Variants in ADGRL2 observed in about 807,000 individuals in gnomAD.
ADGRL2 encodes adhesion G protein-coupled receptor L2, also known as calcium-independent alpha-latrotoxin receptor 2.
ADGRL2 carries 44 observed loss-of-function variants against 157.4 expected under a neutral mutation model. That is an observed-to-expected ratio of 0.28 (90% CI 0.22 to 0.36). The LOEUF is 0.36. ADGRL2 is among the 10% of genes least tolerant of loss of function. ADGRL2 has a pLI of 1.00. For missense variants in ADGRL2, 1,510 were observed against 1,768.9 expected (o/e 0.85, Z 2.63); for synonymous variants, 585 against 624.7 (o/e 0.94, Z 0.95).
At chr1:81,695,342 C>G (rs2149006380), upstream of ADGRL2, among the ~76,000 whole-genome samples, 1 of 151,978 alleles carries the variant, frequency 6.6e-6, no homozygotes, top group East Asian at 1.9e-4. Flanking sequence ...TTCTAATACC[C>G]ACTTACACTG....
At chr1:81,502,139 A>T in intron 2 of ADGRL2, 1 of 1,597,730 alleles carries the variant, frequency 6.3e-7, no homozygotes, top group Non-Finnish European at 8.5e-7. Context: ...GGCTGCTTCA[A>T]AATATTTTCA....
At chr1:81,345,492 A>G (rs979700043) in intron 1 of ADGRL2, among the ~76,000 whole-genome samples, 5 of 152,194 alleles carry the variant, frequency 3.3e-5, no homozygotes, top group African/African-American at 4.8e-5. Flanking sequence ...CCCTTCCTCA[A>G]AGTAACTGGA....
At chr1:81,618,755 G>T (rs1266833452) in intron 3 of ADGRL2, among the ~76,000 whole-genome samples, 1 of 152,108 alleles carries the variant, frequency 6.6e-6, no homozygotes, top group Non-Finnish European at 1.5e-5. Flanking sequence ...ATTCTAAACT[G>T]TGACACTTTA....
At chr1:81,653,802 T>C (rs2082473413) in intron 3 of ADGRL2, among the ~76,000 whole-genome samples, 1 of 152,208 alleles carries the variant, frequency 6.6e-6, no homozygotes, top group Non-Finnish European at 1.5e-5. Context: ...ATTTGTTATG[T>C]AGAGCTCAGA....
intron 2 of ADGRL2, among the ~76,000 whole-genome samples, chr1:81,857,083 A>C (rs1436985858): frequency 6.6e-6 from 1 of 152,082 alleles, no homozygotes; most frequent in Admixed American, 6.6e-5. Context: ...ATTGTCCTGG[A>C]TAATGTTTCC....
chr1:81,861,580 A>G (rs1182552719), intron 2 of ADGRL2, among the ~76,000 whole-genome samples: 4 of 152,182 alleles, frequency 2.6e-5, no homozygotes, highest in Admixed American at 2.6e-4. Flanking sequence ...TTAACATTTA[A>G]TGCTGTTCTT....
chr1:81,608,818 T>A (rs943587624), intron 3 of ADGRL2, among the ~76,000 whole-genome samples: 27 of 152,166 alleles, frequency 1.8e-4, no homozygotes, highest in African/African-American at 6.5e-4. Flanking sequence ...CATTTCTCTG[T>A]TCTATTCCTT....
chr1:81,589,316 C>T (rs908479629), intron 3 of ADGRL2, among the ~76,000 whole-genome samples: 3 of 152,188 alleles, frequency 2.0e-5, no homozygotes, highest in Non-Finnish European at 4.4e-5. Context: ...TCTATACAGT[C>T]CCAATCCCTA....
chr1:81,507,272 A>G (rs555719466), intron 2 of ADGRL2, among the ~76,000 whole-genome samples: 45 of 152,106 alleles, frequency 3.0e-4, no homozygotes, highest in African/African-American at 9.9e-4. Flanking sequence ...GCCCCTCAGC[A>G]CTTTCTCCTG....
At chr1:81,889,360 G>A (rs1240958435) in intron 2 of ADGRL2, among the ~76,000 whole-genome samples, 1 of 152,200 alleles carries the variant, frequency 6.6e-6, no homozygotes, top group Non-Finnish European at 1.5e-5. Flanking sequence ...AACAGCTTTT[G>A]TTGCTTATAT....
rs117663839 is a variant in ADGRL2, at chr1:81,376,123, C to T, written c.-301-68913C>T. Among the ~76,000 whole-genome samples the T allele has an allele frequency of 2.0e-5, 3 of 152,300 alleles. No homozygotes were observed. The East Asian group carries it at 5.8e-4, about 29-fold the overall frequency. Reference sequence around the variant, plus strand: ...TACTGGGCTGAGTAATACAGATATACTTAGCCTTTCTTCACAAGTCAGTTA... The same window carrying T: ...TACTGGGCTGAGTAATACAGATATATTTAGCCTTTCTTCACAAGTCAGTTA... On this transcript the variant is annotated intron_variant, in intron 1 of 24. Coordinates refer to the ADGRL2 transcript ENST00000370721.
intron 3 of ADGRL2, among the ~76,000 whole-genome samples, chr1:81,648,039 C>T (rs1312716308): frequency 6.6e-6 from 1 of 152,062 alleles, no homozygotes; most frequent in Non-Finnish European, 1.5e-5. Flanking sequence ...TGACAAAATG[C>T]AAAGAAAACC....
Position 81,984,579 on chromosome 1 carries a change from G to A in ADGRL2, c.3283-4G>A. ...TCCCTTGGTCTTGTGATTATTCAAT[G>A]CAGGTACGAAAAGAATATGGCAAGT... On this transcript the variant is annotated splice_polypyrimidine_tract_variant and splice_region_variant and intron_variant, in intron 19 of 23. Transcript: ENST00000686636. 1.9e-6 allele frequency: 3 copies of A among 1,600,194 alleles called. No homozygotes were observed. In the South Asian group the frequency reaches 3.3e-5, roughly 18 times the overall value.
At chr1:81,505,483 G>T (rs1483493737) in intron 2 of ADGRL2, among the ~76,000 whole-genome samples, 4 of 150,588 alleles carry the variant, frequency 2.7e-5, no homozygotes, top group Admixed American at 2.6e-4. Flanking sequence ...CAGGCAGCTC[G>T]CCTGGCCACA....
chr1:81,484,764 C>T (rs1418382076), intron 2 of ADGRL2, among the ~76,000 whole-genome samples: 1 of 111,124 alleles, frequency 9.0e-6, no homozygotes, highest in African/African-American at 3.1e-5. Context: ...TCTGTCTTTC[C>T]TTGTACTGTA....
rs1277974792 is a variant in ADGRL2, at chr1:81,800,991, CGCCGGCGGAGCCGGGGCCGGCCT to C, written c.-176_-154del. On this transcript the variant is annotated 5_prime_UTR_variant, in exon 1 of 24. Transcript: ENST00000686636. Reference sequence around the variant, plus strand: ...CGCCCGGACAGCCCTGCGGCCGCCCCGCCGGCGGAGCCGGGGCCGGCCTGGTCCTCGGGCGGCTGCTTGGCCAC... The same window carrying C: ...CGCCCGGACAGCCCTGCGGCCGCCCCGGTCCTCGGGCGGCTGCTTGGCCAC... 1.3e-5 allele frequency among the ~76,000 whole-genome samples: 2 copies of C among 150,182 alleles called. No individual in the cohort carries two copies. Among genetic ancestry groups the C allele is most frequent in the East Asian group, 3.9e-4 (2 of 5,082 alleles).
intron 3 of ADGRL2, among the ~76,000 whole-genome samples, chr1:81,934,565 C>T (rs1228239336): frequency 2.0e-5 from 3 of 151,866 alleles, no homozygotes; most frequent in Non-Finnish European, 2.9e-5. Context: ...TGTTCATGTT[C>T]TTGGTCCATT....
At chr1:81,945,692 G>A (rs996906262) in intron 6 of ADGRL2, among the ~76,000 whole-genome samples, 3 of 152,046 alleles carry the variant, frequency 2.0e-5, no homozygotes, top group African/African-American at 7.2e-5. Context: ...AAAATGAGAA[G>A]CTTCGGCAGA....
chr1:81,563,508 T>A (rs188622429), intron 2 of ADGRL2, among the ~76,000 whole-genome samples: 1 of 152,230 alleles, frequency 6.6e-6, no homozygotes, highest in African/African-American at 2.4e-5. Context: ...ATGGACTTGT[T>A]TTATTTGTCT....
Sources: gnomAD v4.1 joint callset for allele counts (sites outside exome capture counted in the v4.1 genomes callset) on GRCh38, gnomAD v4.1.1 for gene constraint, MANE v1.5 for transcripts, NCBI Gene and HGNC (gene_info 2026-07-23, HGNC 2026-07-21) for gene names.